MCM6: variants seen among roughly 807,000 people sequenced by gnomAD.
MCM6 encodes the protein DNA replication licensing factor MCM6.
Under a neutral mutation model 94.3 loss-of-function variants are expected in MCM6, and 46 were observed. The observed-to-expected ratio is 0.49, with a 90% CI of 0.39 to 0.62. MCM6 has a LOEUF of 0.62. Among genes scored for constraint, MCM6 ranks in the 20% least tolerant of loss-of-function variants. The pLI, the probability that MCM6 is intolerant of heterozygous loss-of-function variation, is 0.00. For missense variants in MCM6, 865 were observed against 1,017.9 expected (o/e 0.85, Z 2.04); for synonymous variants, 335 against 351.9 (o/e 0.95, Z 0.54).
intron 16 of MCM6, among the ~76,000 whole-genome samples, chr2:135,842,170 T>C (rs1024429918): frequency 6.6e-6 from 1 of 152,148 alleles, no homozygotes; most frequent in Admixed American, 6.5e-5. Context: ...CTTCACAGTG[T>C]GTTCCAAAGT....
At chr2:135,861,188 T>C (rs1679984689) in intron 8 of MCM6, among the ~76,000 whole-genome samples, 1 of 152,212 alleles carries the variant, frequency 6.6e-6, no homozygotes, top group African/African-American at 2.4e-5. Context: ...TATTCTAAAA[T>C]GGTACTATGC....
At chr2:135,851,723 C>T in intron 12 of MCM6, 160 bp from the exon 13 acceptor site, 2 of 477,734 alleles carry the variant, frequency 4.2e-6, no homozygotes, top group Non-Finnish European at 7.1e-6. Context: ...TAATGTCTTT[C>T]AAAAGAAACT....
chr2:135,851,645 G>T, intron 12 of MCM6, 82 bp from the exon 13 acceptor site: 1 of 1,250,026 alleles, frequency 8.0e-7, no homozygotes, highest in East Asian at 2.5e-5. Flanking sequence ...GAGCCTTCCA[G>T]GTGGAAACAT....
At chr2:135,866,066 C>A in intron 6 of MCM6, 66 bp downstream of exon 6, 1 of 1,575,020 alleles carries the variant, frequency 6.3e-7, no homozygotes, top group South Asian at 1.1e-5. Flanking sequence ...TTTGCCATTG[C>A]ACTCCAGCCT....
At position 135,866,568 on chromosome 2, in the gene MCM6, G is replaced by A. The variant is rs141941982; in HGVS notation, c.776C>T (p.Thr259Ile). Residue 259 changes from threonine to isoleucine, a missense_variant, in exon 5 of 17, where the codon ACA (threonine) becomes ATA (isoleucine). Physicochemically the swap from Thr to Ile is moderately conservative, Grantham distance 89 (BLOSUM62 -1). Transcript: ENST00000264156. ...TTGAGCCACAGATTACTGACCTGGTGTGCTAAGCTTGGAGACGTCAGGCAC... is the reference window on the plus strand; with the variant it reads ...TTGAGCCACAGATTACTGACCTGGTATGCTAAGCTTGGAGACGTCAGGCAC... ...IVVPDVSKLS[T>I]PGARAETNSR... is the part of the protein sequence containing the mutation. 4.2e-5 allele frequency: 67 copies of A among 1,611,692 alleles called. No homozygotes were observed. The African/African-American group carries it at 7.5e-4, about 18-fold the overall frequency.
intron 7 of MCM6, among the ~76,000 whole-genome samples, chr2:135,863,560 T>TAA (rs949217012): frequency 6.7e-6 from 1 of 148,920 alleles, no homozygotes; most frequent in Non-Finnish European, 1.5e-5. Context: ...ACCCCATCTC[T>TAA]AAAAAAAAAA....
At chr2:135,865,655 A>C (rs534843517) in intron 6 of MCM6, among the ~76,000 whole-genome samples, 1 of 152,354 alleles carries the variant, frequency 6.6e-6, no homozygotes, top group East Asian at 1.9e-4. Context: ...AAAACAAAAA[A>C]CAGCGTGGAT....
Position 135,866,703 on chromosome 2 carries a change from T to C in MCM6, c.641A>G (p.Glu214Gly), listed in dbSNP as rs1680101124. 1 of 1,611,484 alleles carries C rather than the reference T, an allele frequency of 6.2e-7. No individual in the cohort carries two copies. The highest frequency in any genetic ancestry group is 8.5e-7 in the Non-Finnish European group (1 of 1,179,108). The change falls in exon 5 of 17, where the codon GAG (glutamate) becomes GGG (glycine). Residue 214 changes from glutamate to glycine, a missense_variant. Glu to Gly is a moderately conservative substitution (Grantham distance 98). This residue lies in a region of MCM6 where 404 missense variants were observed against 451.9 expected (regional missense o/e 0.89). Coordinates refer to ENST00000264156, the MANE Select transcript of MCM6 (RefSeq NM_005915.6). ...QKVRIQETQA[E>G]LPRGSIPRSL... ...GCGGGGGATACTCCCTCGAGGAAGC[T>C]CAGCTTGGGTCTCTTGAATACGAAC...
In MCM6 at chr2:135,866,996, T is replaced by C. The variant is rs1680104742; in HGVS notation, c.616-268A>G. On this transcript the variant is annotated intron_variant, in intron 4 of 16. Coordinates refer to ENST00000264156, the MANE Select transcript of MCM6 (RefSeq NM_005915.6). ...AAAAAAAAAACTTCACTTTTACTCA[T>C]TAAAAAATAATTTTTTTCTTTGTTC... Among the ~76,000 whole-genome samples the C allele has an allele frequency of 3.9e-5, 6 of 152,198 alleles. No homozygotes were observed. The South Asian group carries it at 1.2e-3, about 31-fold the overall frequency.
intron 14 of MCM6, among the ~76,000 whole-genome samples, chr2:135,847,743 T>C (rs1225927735): frequency 2.6e-5 from 4 of 152,162 alleles, no homozygotes; most frequent in Non-Finnish European, 5.9e-5. Flanking sequence ...TTTGCATTTT[T>C]AGTAGAGAAG....
chr2:135,857,302 C>G (rs188433698), intron 10 of MCM6, among the ~76,000 whole-genome samples: 143 of 152,228 alleles, frequency 9.4e-4, no homozygotes, highest in African/African-American at 3.3e-3. Flanking sequence ...GAAGTTAAAC[C>G]AGCAGGAATG....
intron 3 of MCM6, 106 bp downstream of exon 3, chr2:135,870,145 C>A: frequency 2.8e-6 from 2 of 722,992 alleles, no homozygotes; most frequent in South Asian, 1.8e-5. Context: ...TGTTAAATAG[C>A]CAGCTAATAG....
In MCM6 at chr2:135,876,308, C is replaced by T. The variant is rs1267930393; in HGVS notation, c.58G>A (p.Asp20Asn). ...GAGSQHLEVRDEVAEKCQKLF... is the reference protein window; with the variant it reads ...GAGSQHLEVRNEVAEKCQKLF... ...TTCTGGCACTTCTCGGCCACCTCGT[C>T]GCGGACCTCCAGGTGCTGGCTGCCG... The change falls in exon 1 of 17, where the codon GAC (aspartate) becomes AAC (asparagine). Residue 20 changes from aspartate (D) to asparagine (N), a missense_variant. By Grantham distance (23) the Asp-to-Asn change is conservative. Around this residue, in one of 3 missense-constraint regions of MCM6, gnomAD observed 404 missense variants for 451.9 expected, o/e 0.89. Coordinates refer to ENST00000264156, the MANE Select transcript of MCM6 (RefSeq NM_005915.6). 1.2e-6 allele frequency: 2 copies of T among 1,611,452 alleles called. No homozygotes were observed. Among genetic ancestry groups the T allele is most frequent in the Admixed American group, 1.7e-5 (1 of 59,942 alleles).
chr2:135,863,545 G>A (rs1173807957), intron 7 of MCM6, among the ~76,000 whole-genome samples: 1 of 151,896 alleles, frequency 6.6e-6, no homozygotes, highest in South Asian at 2.1e-4. Flanking sequence ...AGGCAACACG[G>A]TAAAACCCCA....
intron 5 of MCM6, 143 bp from the exon 6 acceptor site, chr2:135,866,420 C>G: frequency 1.4e-6 from 2 of 1,394,972 alleles, no homozygotes; most frequent in Non-Finnish European, 2.0e-6. Context: ...TGTGGCAAAA[C>G]CAATTTGTTT....
At chr2:135,869,314 T>C (rs1680160020) in intron 3 of MCM6, among the ~76,000 whole-genome samples, 2 of 151,442 alleles carry the variant, frequency 1.3e-5, no homozygotes, top group Non-Finnish European at 2.9e-5. Context: ...GGCAGGAGAA[T>C]TGTTTGAACC....
intron 13 of MCM6, among the ~76,000 whole-genome samples, chr2:135,850,385 A>C (rs1211826126): frequency 2.2e-5 from 2 of 91,466 alleles, no homozygotes; most frequent in African/African-American, 8.2e-5. Context: ...TTTAGTATAT[A>C]GATTATTTCA....
rs4988198 is a variant in MCM6, at chr2:135,861,240, T to C, written c.1220+1367A>G. Among the ~76,000 whole-genome samples, 1,126 of 152,292 alleles carry C rather than the reference T, an allele frequency of 7.4e-3. 13 individuals carry two copies. The highest frequency in any genetic ancestry group is 0.025 in the African/African-American group (1,058 of 41,556). ...AAAGAAAAGGCAGCTTGATGTAGTA[T>C]GAAGTACACATGTTTTGCAGGCAAC... On this transcript the variant is annotated intron_variant, in intron 8 of 16. Transcript: ENST00000264156.
intron 9 of MCM6, 49 bp downstream of exon 9, chr2:135,859,252 G>A: frequency 6.7e-7 from 1 of 1,481,898 alleles, no homozygotes; most frequent in Non-Finnish European, 9.3e-7. Flanking sequence ...TACTGATAGG[G>A]TAGGGGTATT....
Sources: gnomAD v4.1 joint callset for allele counts (sites outside exome capture counted in the v4.1 genomes callset) on GRCh38, gnomAD v4.1.1 for gene constraint, gnomAD v4.1.1 regional missense constraint, MANE v1.5 for transcripts, NCBI Gene and HGNC (gene_info 2026-07-23, HGNC 2026-07-21) for gene names.